Variants in PRELID2 observed in about 807,000 individuals in gnomAD.
PRELID2 encodes the protein PRELI domain containing 2.
In PRELID2, 25 loss-of-function variants were observed where a neutral mutation model predicts 28.4. That is an observed-to-expected ratio of 0.88 (90% CI 0.64 to 1.23). The LOEUF (loss-of-function observed/expected upper bound fraction) is 1.23, where lower values mean the gene tolerates loss of function less well. Among genes scored for constraint, PRELID2 ranks in the 50% most tolerant of loss-of-function variants. The pLI, the probability that PRELID2 is intolerant of heterozygous loss-of-function variation, is 0.00. For missense variants in PRELID2, 201 were observed against 214.4 expected (o/e 0.94, Z 0.39); for synonymous variants, 76 against 71.6 (o/e 1.06, Z -0.31).
chr5:145,302,426 C>A, the PRELID2 span, among the ~76,000 whole-genome samples: 1 of 152,052 alleles, frequency 6.6e-6, no homozygotes, highest in Non-Finnish European at 1.5e-5. Context: ...TCGTGAGCCA[C>A]CGTGACTGGC....
chr5:145,370,049 AG>A, the PRELID2 span, among the ~76,000 whole-genome samples: 5 of 151,994 alleles, frequency 3.3e-5, no homozygotes, highest in African/African-American at 1.2e-4. Context: ...AGATTGCAAA[AG>A]TTTTCTCCCA....
At chr5:145,721,134 T>C (rs1434988851) in intron 1 of PRELID2, among the ~76,000 whole-genome samples, 1 of 152,182 alleles carries the variant, frequency 6.6e-6, no homozygotes, top group African/African-American at 2.4e-5. Flanking sequence ...TAGATTTTCA[T>C]ATGTGTTTCA....
intron 1 of PRELID2, chr5:145,729,022 T>C (rs1756257405): frequency 1.5e-6 from 1 of 681,090 alleles, no homozygotes; most frequent in Non-Finnish European, 2.6e-6. Flanking sequence ...AAAGTAACAT[T>C]GGGAGATAAT....
intron 1 of PRELID2, among the ~76,000 whole-genome samples, chr5:145,742,183 T>A (rs1342440790): frequency 1.7e-5 from 1 of 59,108 alleles, no homozygotes; most frequent in East Asian, 6.8e-4. Context: ...ATTATAAATT[T>A]ATATATAAAT....
At chr5:145,508,990 G>A (rs150875529) in intron 1 of PRELID2, among the ~76,000 whole-genome samples, 182 of 152,294 alleles carry the variant, frequency 1.2e-3, no homozygotes, top group African/African-American at 4.1e-3. Context: ...CATAATCATA[G>A]TCTGTAAAAA....
At chr5:145,624,594 T>C (rs775446177) in intron 1 of PRELID2, among the ~76,000 whole-genome samples, 6 of 152,170 alleles carry the variant, frequency 3.9e-5, no homozygotes, top group Admixed American at 6.5e-5. Context: ...AAAAATAAAA[T>C]CCAATTGGAT....
At chr5:145,246,119 T>C in the PRELID2 span, among the ~76,000 whole-genome samples, 2 of 151,948 alleles carry the variant, frequency 1.3e-5, no homozygotes, top group Non-Finnish European at 2.9e-5. Flanking sequence ...TTAACAACAA[T>C]AAACCTGGTA....
intron 1 of PRELID2, among the ~76,000 whole-genome samples, chr5:145,742,191 A>ATT (rs1561569217): frequency 2.2e-4 from 9 of 41,690 alleles, no homozygotes; most frequent in Non-Finnish European, 3.3e-4. Flanking sequence ...TTTATATATA[A>ATT]ATAATAATAT....
chr5:145,568,317 T>C (rs1284246670), intron 1 of PRELID2, among the ~76,000 whole-genome samples: 4 of 152,190 alleles, frequency 2.6e-5, no homozygotes, highest in African/African-American at 9.7e-5. Context: ...TTAGCGTCTA[T>C]TGTAAGCCAG....
chr5:145,524,448 C>G (rs937684565), intron 1 of PRELID2, among the ~76,000 whole-genome samples: 2 of 152,190 alleles, frequency 1.3e-5, no homozygotes, highest in African/African-American at 4.8e-5. Flanking sequence ...AAACTCTCCC[C>G]TAATTAAGCT....
chr5:145,556,122 G>A (rs995095625), intron 1 of PRELID2, among the ~76,000 whole-genome samples: 2 of 147,274 alleles, frequency 1.4e-5, no homozygotes, highest in African/African-American at 2.5e-5. Context: ...AAGTTGCAGT[G>A]AGCCAAGATC....
At chr5:145,517,577 G>A (rs1032170332) in intron 1 of PRELID2, among the ~76,000 whole-genome samples, 6 of 152,148 alleles carry the variant, frequency 3.9e-5, no homozygotes, top group African/African-American at 1.2e-4. Flanking sequence ...GTGGAAGACC[G>A]TGTGGCAATT....
chr5:145,527,608 C>T lies in PRELID2; in HGVS notation n.71-54293G>A, dbSNP rs934428522. On this transcript the variant is annotated intron_variant and non_coding_transcript_variant, in intron 1 of 2. Transcript: ENST00000510259. ...GTCATTATACAAATCCAGAGAGAGA[C>T]AGCCAGAAAGTTTGTGCTTTGCCCT... Among the ~76,000 whole-genome samples the T allele has an allele frequency of 3.9e-5, 6 of 152,162 alleles. No homozygotes were observed. The East Asian group carries it at 7.7e-4, about 20-fold the overall frequency.
At chr5:145,670,459 C>T (rs1197550249) in intron 1 of PRELID2, among the ~76,000 whole-genome samples, 1 of 152,162 alleles carries the variant, frequency 6.6e-6, no homozygotes, top group Non-Finnish European at 1.5e-5. Context: ...AAGGCACAAA[C>T]ATCAAACCAT....
chr5:145,253,200 A>C, the PRELID2 span, among the ~76,000 whole-genome samples: 2 of 152,276 alleles, frequency 1.3e-5, no homozygotes, highest in East Asian at 3.9e-4. Flanking sequence ...GGATTCCCAG[A>C]GAGATGATAA....
chr5:145,817,122 T>G (rs960500140), intron 4 of PRELID2, among the ~76,000 whole-genome samples: 1 of 148,092 alleles, frequency 6.8e-6, no homozygotes, highest in Non-Finnish European at 1.5e-5. Context: ...GCCCAGGAGG[T>G]TGAGGCTGCA....
the PRELID2 span, among the ~76,000 whole-genome samples, chr5:145,433,590 T>G: frequency 6.6e-6 from 1 of 152,124 alleles, no homozygotes; most frequent in African/African-American, 2.4e-5. Context: ...AGAATCATCC[T>G]TGCCTCAGTC....
intron 1 of PRELID2, among the ~76,000 whole-genome samples, chr5:145,668,863 C>T (rs1754647914): frequency 6.6e-6 from 1 of 152,030 alleles, no homozygotes; most frequent in Non-Finnish European, 1.5e-5. Flanking sequence ...CAGAGTGAGC[C>T]CTGGAGATGA....
intron 1 of PRELID2, among the ~76,000 whole-genome samples, chr5:145,572,936 G>A (rs904934895): frequency 6.6e-6 from 1 of 152,064 alleles, no homozygotes; most frequent in Non-Finnish European, 1.5e-5. Flanking sequence ...GACCCATCTG[G>A]CTCAAATTCT....
Sources: gnomAD v4.1 joint callset for allele counts (sites outside exome capture counted in the v4.1 genomes callset) on GRCh38, gnomAD v4.1.1 for gene constraint, MANE v1.5 for transcripts, NCBI Gene and HGNC (gene_info 2026-07-23, HGNC 2026-07-21) for gene names.